The following SUGCT variants were observed in gnomAD, a reference collection of about 807,000 sequenced individuals.
SUGCT encodes succinyl-CoA:glutarate-CoA transferase.
Under a neutral mutation model 55.0 loss-of-function variants are expected in SUGCT, and 41 were observed. The ratio of observed to expected loss-of-function variants is 0.74; its 90% confidence interval spans 0.58 to 0.97. SUGCT has a LOEUF of 0.97. Ranked by LOEUF, SUGCT falls within the 50% of genes least tolerant of loss-of-function variation. The pLI is 0.00. For synonymous variants in SUGCT, 187 were observed against 200.4 expected (o/e 0.93, Z 0.56); for missense variants, 568 against 547.8 (o/e 1.04, Z -0.37).
the SUGCT span, among the ~76,000 whole-genome samples, chr7:40,951,165 A>G: frequency 6.6e-6 from 1 of 151,948 alleles, no homozygotes; most frequent in African/African-American, 2.4e-5. Context: ...CAGAGATTCA[A>G]CTTCTTCCTG....
At chr7:40,494,300 C>T (rs1467268834) in intron 11 of SUGCT, among the ~76,000 whole-genome samples, 1 of 152,066 alleles carries the variant, frequency 6.6e-6, no homozygotes, top group Non-Finnish European at 1.5e-5. Context: ...ACACCCTATT[C>T]GAAAAGGCTG....
chr7:40,811,507 T>C (rs1791413821), intron 13 of SUGCT, among the ~76,000 whole-genome samples: 1 of 152,104 alleles, frequency 6.6e-6, no homozygotes, highest in Admixed American at 6.5e-5. Flanking sequence ...TAGTCTTGGG[T>C]ATTTTGTTTG....
At chr7:40,975,214 C>A in the SUGCT span, among the ~76,000 whole-genome samples, 2 of 151,996 alleles carry the variant, frequency 1.3e-5, no homozygotes, top group Non-Finnish European at 2.9e-5. Context: ...GAAGCCTAAC[C>A]AAGATTTCTT....
chr7:40,833,158 A>G (rs1392983393), intron 13 of SUGCT, among the ~76,000 whole-genome samples: 1 of 152,070 alleles, frequency 6.6e-6, no homozygotes, highest in African/African-American at 2.4e-5. Flanking sequence ...CATTGCAATA[A>G]TAGTCAGATA....
At chr7:40,954,371 A>G in the SUGCT span, among the ~76,000 whole-genome samples, 1 of 152,142 alleles carries the variant, frequency 6.6e-6, no homozygotes, top group African/African-American at 2.4e-5. Context: ...TTGGCTAGGA[A>G]AGGGAATTTC....
chr7:40,478,741 G>A (rs1455654437), intron 11 of SUGCT, among the ~76,000 whole-genome samples: 4 of 152,078 alleles, frequency 2.6e-5, no homozygotes, highest in African/African-American at 7.2e-5. Flanking sequence ...ATCGTTAACT[G>A]CAGTCACGTT....
chr7:40,416,280 C>T lies in SUGCT; in HGVS notation c.817-33007C>T, dbSNP rs1786998036. ...TGTATGTAATCACCTTGTACAGTTC[C>T]CTTATGAACTTTAGTAGCTTTATTA... On this transcript the variant is annotated intron_variant, in intron 9 of 13. Coordinates refer to ENST00000335693, the MANE Select transcript of SUGCT (RefSeq NM_001193313.2). 2.0e-5 allele frequency among the ~76,000 whole-genome samples: 3 copies of T among 151,466 alleles called. No homozygotes were observed. The South Asian group carries it at 6.3e-4, about 32-fold the overall frequency.
At chr7:40,584,560 A>G (rs1797275239) in intron 12 of SUGCT, among the ~76,000 whole-genome samples, 1 of 152,186 alleles carries the variant, frequency 6.6e-6, no homozygotes, top group South Asian at 2.1e-4. Context: ...TACAGATTGC[A>G]AAGTGTTTTC....
At chr7:40,248,080 C>T (rs1323089600) in intron 7 of SUGCT, among the ~76,000 whole-genome samples, 5 of 148,198 alleles carry the variant, frequency 3.4e-5, no homozygotes, top group South Asian at 4.2e-4. Flanking sequence ...GGCGTGATCT[C>T]GGCTCACTGT....
At chr7:40,422,534 T>C (rs997548422) in intron 9 of SUGCT, among the ~76,000 whole-genome samples, 1 of 152,182 alleles carries the variant, frequency 6.6e-6, no homozygotes, top group Admixed American at 6.6e-5. Flanking sequence ...TTTTCTTTAC[T>C]TAGAATGCAT....
chr7:40,890,274 AATTAAATATTTATATTAT>A, the SUGCT span, among the ~76,000 whole-genome samples: 1 of 141,188 alleles, frequency 7.1e-6, no homozygotes, highest in African/African-American at 2.6e-5. Flanking sequence ...ATATAATATA[AATTAAATATTTATATTAT>A]ATAATATAAA....
the SUGCT span, among the ~76,000 whole-genome samples, chr7:40,895,338 A>C: frequency 3.8e-4 from 58 of 151,910 alleles, no homozygotes; most frequent in African/African-American, 1.4e-3. Flanking sequence ...GAGGGAGAGG[A>C]TCAGAAAAAA....
chr7:40,617,956 T>A (rs1013958836), intron 12 of SUGCT, among the ~76,000 whole-genome samples: 1 of 152,214 alleles, frequency 6.6e-6, no homozygotes, highest in Non-Finnish European at 1.5e-5. Context: ...GAGAAAAAAG[T>A]ATTTTTACTT....
Position 40,484,640 on chromosome 7 carries a change from G to C in SUGCT, c.987-11644G>C, listed in dbSNP as rs557018187. Among the ~76,000 whole-genome samples the C allele has an allele frequency of 5.3e-5, 8 of 152,260 alleles. No individual in the cohort carries two copies. In the East Asian group the frequency reaches 1.5e-3, roughly 29 times the overall value. On this transcript the variant is annotated intron_variant, in intron 11 of 13. Coordinates refer to ENST00000335693, the MANE Select transcript of SUGCT (RefSeq NM_001193313.2). ...GACATTGCCCTATCTACTTCTCTAAGCCTCAGTTTCCTAAATCATGAAGAT... is the reference window on the plus strand; with the variant it reads ...GACATTGCCCTATCTACTTCTCTAACCCTCAGTTTCCTAAATCATGAAGAT...
chr7:41,015,985 G>A, the SUGCT span, among the ~76,000 whole-genome samples: 5 of 152,202 alleles, frequency 3.3e-5, no homozygotes, highest in African/African-American at 9.7e-5. Context: ...TGCATTCAGC[G>A]AGAACAGTGA....
At chr7:40,618,722 A>G (rs943254640) in intron 12 of SUGCT, among the ~76,000 whole-genome samples, 1 of 152,208 alleles carries the variant, frequency 6.6e-6, no homozygotes, top group Non-Finnish European at 1.5e-5. Flanking sequence ...TTTGACTTTT[A>G]TAATTTTTGT....
the SUGCT span, among the ~76,000 whole-genome samples, chr7:40,900,178 C>T: frequency 2.0e-5 from 3 of 152,266 alleles, no homozygotes; most frequent in African/African-American, 7.2e-5. Flanking sequence ...CCTCCAGCTT[C>T]TCTGCGTATT....
chr7:40,565,193 C>T lies in SUGCT; in HGVS notation c.1089+68807C>T, dbSNP rs138592515. On this transcript the variant is annotated intron_variant, in intron 12 of 13. Transcript: ENST00000335693. ...GTTCTCTCAATTTTTTACCATTACTCATGCCTTCTTGAGAATCAAATGGAA... is the reference window on the plus strand; with the variant it reads ...GTTCTCTCAATTTTTTACCATTACTTATGCCTTCTTGAGAATCAAATGGAA... Among the ~76,000 whole-genome samples the T allele has an allele frequency of 7.2e-4, 110 of 152,314 alleles. 1 individual carries two copies. Among genetic ancestry groups the T allele is most frequent in the African/African-American group, 2.4e-3 (100 of 41,576 alleles).
At chr7:40,412,604 T>C (rs1786757045) in intron 9 of SUGCT, among the ~76,000 whole-genome samples, 1 of 152,190 alleles carries the variant, frequency 6.6e-6, no homozygotes, top group African/African-American at 2.4e-5. Context: ...AATCTCCATT[T>C]TATGTCTCCC....
Sources: gnomAD v4.1 joint callset for allele counts (sites outside exome capture counted in the v4.1 genomes callset) on GRCh38, gnomAD v4.1.1 for gene constraint, MANE v1.5 for transcripts, NCBI Gene and HGNC (gene_info 2026-07-23, HGNC 2026-07-21) for gene names.